HOOK3: variants seen among roughly 807,000 people sequenced by gnomAD.
The protein encoded by HOOK3 is protein Hook homolog 3.
In HOOK3, 24 loss-of-function variants were observed where a neutral mutation model predicts 116.3. The ratio of observed to expected loss-of-function variants is 0.21; its 90% confidence interval spans 0.15 to 0.29. The LOEUF (loss-of-function observed/expected upper bound fraction) is 0.29. Among genes scored for constraint, HOOK3 ranks in the 10% least tolerant of loss-of-function variants. HOOK3 has a pLI of 1.00. For synonymous variants in HOOK3, 275 were observed against 283.0 expected (o/e 0.97, Z 0.28); for missense variants, 632 against 830.2 (o/e 0.76, Z 2.93).
At chr8:42,958,322 T>TA (rs918749541) in intron 7 of HOOK3, among the ~76,000 whole-genome samples, 16 of 152,152 alleles carry the variant, frequency 1.1e-4, no homozygotes, top group African/African-American at 3.6e-4. Context: ...AATTTTTTTT[T>TA]ATCTACCACA....
At chr8:42,989,802 T>A (rs1809122121) in intron 15 of HOOK3, among the ~76,000 whole-genome samples, 1 of 152,126 alleles carries the variant, frequency 6.6e-6, no homozygotes, top group Non-Finnish European at 1.5e-5. Context: ...TTAATTTTTT[T>A]AATTTTTAGC....
Position 42,964,366 on chromosome 8 carries a change from T to C in HOOK3, c.671T>C (p.Met224Thr). The change falls in exon 9 of 22, where the codon ATG becomes ACG. Residue 224 changes from methionine (M) to threonine (T), a missense_variant. By Grantham distance (81) the Met-to-Thr change is moderately conservative. Coordinates refer to ENST00000307602, the MANE Select transcript of HOOK3 (RefSeq NM_032410.4). Reference sequence around the variant, plus strand: ...TTGTTGGCAGAGAATCAGGTATTAATGGAAAGACTCAATCAATCTGATTCT... The same window carrying C: ...TTGTTGGCAGAGAATCAGGTATTAACGGAAAGACTCAATCAATCTGATTCT... ...SSLLAENQVL[M>T]ERLNQSDSIE... 1 of 1,614,084 alleles carries C rather than the reference T, an allele frequency of 6.2e-7. No homozygotes were observed. Among genetic ancestry groups the C allele is most frequent in the Non-Finnish European group, 8.5e-7 (1 of 1,179,968 alleles).
chr8:42,934,229 C>T (rs1475038126), intron 4 of HOOK3, among the ~76,000 whole-genome samples: 1 of 152,012 alleles, frequency 6.6e-6, no homozygotes, highest in Non-Finnish European at 1.5e-5. Flanking sequence ...TATACACCTT[C>T]TTCTAGCTTG....
chr8:42,970,780 G>GTTTTTTTTTT (rs1299118892), intron 11 of HOOK3, among the ~76,000 whole-genome samples: 2 of 127,922 alleles, frequency 1.6e-5, no homozygotes, highest in African/African-American at 6.9e-5. Flanking sequence ...AGGAATTTGG[G>GTTTTTTTTTT]TCTTTTTTTT....
At position 43,018,564 on chromosome 8, in the gene HOOK3, T is replaced by C. The variant is rs1809765230; in HGVS notation, c.*66T>C. 2.1e-6 allele frequency: 3 copies of C among 1,416,500 alleles called. No homozygotes were observed. In the African/African-American group the frequency reaches 4.3e-5, roughly 20 times the overall value. The allele number at this position is 1,416,500 out of a possible 1,614,324, so 87.7% of individuals were successfully genotyped here. A position where few individuals can be genotyped will look rare whatever the true frequency, so the allele number is the denominator to read the frequency against. On this transcript the variant is annotated 3_prime_UTR_variant, in exon 22 of 22. Transcript: ENST00000307602. Reference sequence around the variant, plus strand: ...CATACTTCTGTTACACACAAGAACATTTCAGGAAACTCAGCCAGCTTATTT... The same window carrying C: ...CATACTTCTGTTACACACAAGAACACTTCAGGAAACTCAGCCAGCTTATTT...
rs61448463 is a variant in HOOK3 at position 42,956,223 on chromosome 8, CGTGTGT to C, written c.469-834_469-829del. Among the ~76,000 whole-genome samples the C allele has an allele frequency of 3.6e-3, 483 of 135,876 alleles. 3 individuals are homozygous for C. Among genetic ancestry groups the C allele is most frequent in the Middle Eastern group, 0.018 (5 of 278 alleles). The allele number at this position is 135,876 out of a possible 152,430, so 89.1% of individuals were successfully genotyped here. ...TCTCTTTGCAACATAAGGATTAGGG[CGTGTGT>C]GTGTGTGTGTGTGTGTGTGTGTGTG... On this transcript the variant is annotated intron_variant, in intron 6 of 21. Coordinates refer to ENST00000307602, the MANE Select transcript of HOOK3 (RefSeq NM_032410.4).
intron 2 of HOOK3, among the ~76,000 whole-genome samples, chr8:42,907,646 A>G (rs1430999515): frequency 6.6e-6 from 1 of 152,136 alleles, no homozygotes; most frequent in African/African-American, 2.4e-5. Flanking sequence ...GTGTAGTTCA[A>G]TACATGATTT....
intron 15 of HOOK3, among the ~76,000 whole-genome samples, chr8:42,993,276 A>T (rs951114921): frequency 1.3e-5 from 2 of 151,998 alleles, no homozygotes; most frequent in Middle Eastern, 3.2e-3. Flanking sequence ...TTATATATAT[A>T]TTTTTAAGAC....
chr8:42,930,303 A>G (rs1439158041), intron 4 of HOOK3, 131 bp downstream of exon 4: 1 of 789,872 alleles, frequency 1.3e-6, no homozygotes, highest in Non-Finnish European at 1.8e-6. Flanking sequence ...TAGTTTCTAT[A>G]ATAGGATGAT....
rs1020889889 is a variant in HOOK3, at chr8:42,943,906, G to A, written c.400+461G>A. 2.0e-5 allele frequency among the ~76,000 whole-genome samples: 3 copies of A among 152,086 alleles called. No homozygotes were observed. In the South Asian group the frequency reaches 6.2e-4, roughly 32 times the overall value. On this transcript the variant is annotated intron_variant, in intron 5 of 21. Transcript: ENST00000307602. Reference sequence around the variant, plus strand: ...AGTTTGCCTCTACTGTGGGGAAAAAGAGAGGGAAGAGTATCATTATATGCA... The same window carrying A: ...AGTTTGCCTCTACTGTGGGGAAAAAAAGAGGGAAGAGTATCATTATATGCA...
At chr8:42,909,931 G>A (rs1474986119) in intron 2 of HOOK3, among the ~76,000 whole-genome samples, 8 of 152,140 alleles carry the variant, frequency 5.3e-5, no homozygotes, top group Admixed American at 2.0e-4. Flanking sequence ...TACCAGAGGC[G>A]GGGGGCCGAG....
intron 5 of HOOK3, among the ~76,000 whole-genome samples, chr8:42,949,177 GGAT>G (rs1375020735): frequency 1.3e-5 from 2 of 152,124 alleles, no homozygotes; most frequent in Non-Finnish European, 2.9e-5. Context: ...CATGTTGTTT[GGAT>G]GTATGGGGTT....
chr8:43,013,334 A>G lies in HOOK3; in HGVS notation c.1950A>G (p.Glu650=), dbSNP rs767874363. ...GTGCTTTTTTTTTTTTTTAGAAAGA[A>G]TATGAGAAAACAAAGAGTCAGAGAG... is the stretch of plus-strand genomic sequence containing the variant. ...RDRLFHSLEK[E]YEKTKSQREM... The change falls in exon 21 of 22, where the codon GAA becomes GAG. Residue 650 remains glutamate (E), a synonymous_variant. Coordinates refer to ENST00000307602, the MANE Select transcript of HOOK3 (RefSeq NM_032410.4). The G allele has an allele frequency of 3.2e-6, 5 of 1,568,484 alleles. No individual in the cohort carries two copies. Among genetic ancestry groups the G allele is most frequent in the East Asian group, 2.3e-5 (1 of 44,208 alleles).
intron 11 of HOOK3, among the ~76,000 whole-genome samples, chr8:42,972,144 T>C (rs904705890): frequency 5.3e-5 from 8 of 152,202 alleles, no homozygotes; most frequent in African/African-American, 1.9e-4. Flanking sequence ...TTGTGGCATT[T>C]TCTTTATGGC....
chr8:42,911,672 A>G (rs1195372991), intron 2 of HOOK3, among the ~76,000 whole-genome samples: 1 of 152,204 alleles, frequency 6.6e-6, no homozygotes, highest in Non-Finnish European at 1.5e-5. Flanking sequence ...ATATGAAGAC[A>G]AGTGGGTGGA....
In HOOK3 at chr8:43,028,708, G is replaced by A. The variant is rs1391435834; in HGVS notation, c.*10210G>A. ...AAATATGTATTAATTTACTTGGCCT[G>A]CTACTAAAGTGCTTAACATAACTAA... is the stretch of plus-strand genomic sequence containing the variant. On this transcript the variant is annotated 3_prime_UTR_variant, in exon 22 of 22. Transcript: ENST00000307602. The A allele has an allele frequency of 5.1e-6, 1 of 196,354 alleles. No homozygotes were observed. Among genetic ancestry groups the A allele is most frequent in the Non-Finnish European group, 1.1e-5 (1 of 94,690 alleles). 12.2% of individuals were successfully genotyped at this position (196,354 alleles called of 1,614,324 possible).
chr8:42,962,796 CT>C (rs34722373), intron 8 of HOOK3, among the ~76,000 whole-genome samples: 218 of 99,346 alleles, frequency 2.2e-3, no homozygotes, highest in Non-Finnish European at 2.1e-3. Context: ...ACTTCTTCTT[CT>C]TTTTTTTTTT....
intron 2 of HOOK3, among the ~76,000 whole-genome samples, chr8:42,918,009 T>G (rs1586589895): frequency 6.6e-6 from 1 of 152,214 alleles, no homozygotes; most frequent in Non-Finnish European, 1.5e-5. Flanking sequence ...ACACTAAAAT[T>G]TGCTAGTAAA....
chr8:42,979,678 T>C (rs1808897077), intron 13 of HOOK3, among the ~76,000 whole-genome samples: 1 of 152,188 alleles, frequency 6.6e-6, no homozygotes. Context: ...TTTTCTAGTT[T>C]ACCCAGCTGC....
Sources: gnomAD v4.1 joint callset for allele counts (sites outside exome capture counted in the v4.1 genomes callset) on GRCh38, gnomAD v4.1.1 for gene constraint, MANE v1.5 for transcripts, NCBI Gene and HGNC (gene_info 2026-07-23, HGNC 2026-07-21) for gene names.